FBXW10B: variants seen among roughly 807,000 people sequenced by gnomAD.
The protein encoded by FBXW10B is F-box and WD repeat domain containing 10B.
chr17:15,616,736 G>C, the FBXW10B span, among the ~76,000 whole-genome samples: 1 of 150,926 alleles, frequency 6.6e-6, no homozygotes, highest in Non-Finnish European at 1.5e-5. Context: ...GTGAACCCGG[G>C]AGGCGGAGCT....
the FBXW10B span, among the ~76,000 whole-genome samples, chr17:15,602,423 G>A: frequency 3.5e-4 from 53 of 152,030 alleles, no homozygotes; most frequent in African/African-American, 1.2e-3. Context: ...TCTACCTAAC[G>A]CCACATACAA....
the FBXW10B span, chr17:15,593,606 C>A: frequency 5.7e-6 from 8 of 1,407,406 alleles, no homozygotes; most frequent in Admixed American, 2.3e-5. Context: ...CCATAACTGG[C>A]CTCAAAATGG....
the FBXW10B span, among the ~76,000 whole-genome samples, chr17:15,612,222 G>A: frequency 2.8e-4 from 43 of 152,176 alleles, no homozygotes; most frequent in East Asian, 7.9e-3. Flanking sequence ...AAGAGGAAGT[G>A]TCGGGCTGGG....
the FBXW10B span, among the ~76,000 whole-genome samples, chr17:15,614,247 GGC>G: frequency 1.3e-5 from 2 of 151,904 alleles, no homozygotes; most frequent in African/African-American, 2.4e-5. Flanking sequence ...GGAGTGTAGT[GGC>G]GCGATCTCGG....
At chr17:15,580,510 T>TGTAA in the FBXW10B span, among the ~76,000 whole-genome samples, 2 of 104,610 alleles carry the variant, frequency 1.9e-5, no homozygotes, top group East Asian at 2.2e-4. Context: ...AAAATTAAAT[T>TGTAA]GTAAGTAAAA....
At chr17:15,576,593 T>C in the FBXW10B span, among the ~76,000 whole-genome samples, 8 of 152,264 alleles carry the variant, frequency 5.3e-5, no homozygotes, top group Non-Finnish European at 8.8e-5. Flanking sequence ...ATTTTGATTA[T>C]GTCTCTTTTG....
At chr17:15,600,013 G>T in the FBXW10B span, among the ~76,000 whole-genome samples, 15 of 151,824 alleles carry the variant, frequency 9.9e-5, no homozygotes, top group South Asian at 3.1e-3. Context: ...TCAGGAGATC[G>T]AGACCATCCT....
chr17:15,570,886 A>G, the FBXW10B span, among the ~76,000 whole-genome samples: 2 of 152,196 alleles, frequency 1.3e-5, no homozygotes, highest in South Asian at 4.1e-4. Flanking sequence ...AAGTAGATAA[A>G]CTGTACTTCA....
the FBXW10B span, chr17:15,566,232 G>C: frequency 1.2e-6 from 2 of 1,611,928 alleles, no homozygotes; most frequent in Non-Finnish European, 1.7e-6. Flanking sequence ...GCTGCAGGGC[G>C]CTAACAGTCA....
At chr17:15,610,919 A>G in the FBXW10B span, among the ~76,000 whole-genome samples, 2 of 152,080 alleles carry the variant, frequency 1.3e-5, no homozygotes, top group Non-Finnish European at 2.9e-5. Context: ...TGGCTGGGAG[A>G]GCTTGACCTC....
the FBXW10B span, among the ~76,000 whole-genome samples, chr17:15,596,124 G>T: frequency 2.0e-5 from 3 of 152,028 alleles, no homozygotes; most frequent in Non-Finnish European, 4.4e-5. Flanking sequence ...CTGACCTCAT[G>T]ATCCGCCTGC....
chr17:15,609,863 T>C, the FBXW10B span, among the ~76,000 whole-genome samples: 2 of 136,712 alleles, frequency 1.5e-5, no homozygotes, highest in African/African-American at 3.0e-5. Flanking sequence ...TTTTTTTTTT[T>C]TTTTTTTTTT....
At chr17:15,614,033 T>G in the FBXW10B span, 1 of 1,610,062 alleles carries the variant, frequency 6.2e-7, no homozygotes. Flanking sequence ...CCATGGTTCC[T>G]CTAGAGTGAA....
the FBXW10B span, among the ~76,000 whole-genome samples, chr17:15,608,574 C>T: frequency 1.3e-5 from 2 of 152,282 alleles, no homozygotes; most frequent in South Asian, 4.1e-4. Flanking sequence ...CTGCCTCAAC[C>T]TCCTAAGTAG....
At chr17:15,584,440 G>A in the FBXW10B span, among the ~76,000 whole-genome samples, 4 of 152,074 alleles carry the variant, frequency 2.6e-5, no homozygotes, top group African/African-American at 7.2e-5. Context: ...ATGTTTCTCC[G>A]AATAACTCAT....
the FBXW10B span, among the ~76,000 whole-genome samples, chr17:15,584,762 T>C: frequency 2.6e-5 from 4 of 152,248 alleles, no homozygotes; most frequent in African/African-American, 9.6e-5. Flanking sequence ...CATGCCCTTG[T>C]GCACATTGAT....
At chr17:15,598,746 G>A in the FBXW10B span, 4 of 1,556,402 alleles carry the variant, frequency 2.6e-6, no homozygotes, top group African/African-American at 1.4e-5. Flanking sequence ...TTAGTTGGGA[G>A]GCAGCAGATT....
At chr17:15,600,647 A>G in the FBXW10B span, among the ~76,000 whole-genome samples, 1 of 152,138 alleles carries the variant, frequency 6.6e-6, no homozygotes, top group South Asian at 2.1e-4. Flanking sequence ...AAGGGGAACA[A>G]GATGAAGATG....
chr17:15,594,933 C>T, the FBXW10B span: 1 of 1,609,608 alleles, frequency 6.2e-7, no homozygotes, highest in Admixed American at 1.7e-5. Flanking sequence ...GACTGTGACT[C>T]CTCCAAGAAC....
Sources: gnomAD v4.1 joint callset for allele counts (sites outside exome capture counted in the v4.1 genomes callset) on GRCh38, gnomAD v4.1.1 for gene constraint, MANE v1.5 for transcripts, NCBI Gene and HGNC (gene_info 2026-07-23, HGNC 2026-07-21) for gene names.